The following ARHGAP11A variants were observed in gnomAD, a reference collection of about 807,000 sequenced individuals.
The protein encoded by ARHGAP11A is Rho GTPase activating protein 11A.
In ARHGAP11A, 36 loss-of-function variants were observed where a neutral mutation model predicts 60.5. The ratio of observed to expected loss-of-function variants is 0.59; its 90% CI spans 0.46 to 0.79. The LOEUF is 0.79. ARHGAP11A is among the 30% of genes least tolerant of loss of function. The pLI, the probability that ARHGAP11A is intolerant of heterozygous loss-of-function variation, is 0.00. For missense variants in ARHGAP11A, 1,071 were observed against 1,199.2 expected (o/e 0.89, Z 1.58); for synonymous variants, 362 against 415.5 (o/e 0.87, Z 1.57).
chr15:32,632,890 G>A, intron 8 of ARHGAP11A, 89 bp from the exon 9 acceptor site: 2 of 1,201,568 alleles, frequency 1.7e-6, no homozygotes, highest in Non-Finnish European at 2.3e-6. Context: ...TAGAAATTAA[G>A]GCTTTGAATC....
rs749141290 is a variant in ARHGAP11A at position 32,636,808 on chromosome 15, A to G, written c.2035A>G (p.Thr679Ala). 2 of 1,609,162 alleles carry G rather than the reference A, an allele frequency of 1.2e-6. No homozygotes were observed. Among genetic ancestry groups the G allele is most frequent in the African/African-American group, 2.7e-5 (2 of 74,660 alleles). ...AGAGAGGGACTTTTCACCCCTTCAAACTCAAACATTTAATAGAGAAACAAC... is the reference window on the plus strand; with the variant it reads ...AGAGAGGGACTTTTCACCCCTTCAAGCTCAAACATTTAATAGAGAAACAAC... ...FSERDFSPLQ[T>A]QTFNRETTIK... The change falls in exon 12 of 12, where the codon ACT (threonine) becomes GCT (alanine). Residue 679 changes from threonine (T) to alanine (A), a missense_variant. Around this residue, in one of 4 missense-constraint regions of ARHGAP11A, gnomAD observed 776 missense variants for 760.2 expected, o/e 1.02. Coordinates refer to ENST00000361627, the MANE Select transcript of ARHGAP11A (RefSeq NM_014783.6).
intron 6 of ARHGAP11A, 120 bp downstream of exon 6, chr15:32,625,753 G>A (rs2053443089): frequency 1.9e-6 from 2 of 1,034,456 alleles, no homozygotes; most frequent in East Asian, 4.8e-5. Context: ...CAGCTGGAAA[G>A]ATAGGACGTA....
At chr15:32,622,662 TAGGTATCTAA>T (rs1230348717) in intron 2 of ARHGAP11A, among the ~76,000 whole-genome samples, 64 of 151,810 alleles carry the variant, frequency 4.2e-4, no homozygotes, top group African/African-American at 1.5e-3. Flanking sequence ...GTTCAATATC[TAGGTATCTAA>T]AGCCAACATT....
intron 7 of ARHGAP11A, among the ~76,000 whole-genome samples, 194 bp from the exon 8 acceptor site, chr15:32,629,401 G>A (rs1454799690): frequency 1.4e-5 from 2 of 146,804 alleles, no homozygotes; most frequent in African/African-American, 2.6e-5. Flanking sequence ...TTGCCTCTGC[G>A]ACTTCCTTAT....
At chr15:32,631,365 G>A (rs2053579419) in intron 8 of ARHGAP11A, among the ~76,000 whole-genome samples, 2 of 150,924 alleles carry the variant, frequency 1.3e-5, no homozygotes, top group South Asian at 4.2e-4. Flanking sequence ...GCACAATCTC[G>A]GCTCACTGCA....
Position 32,623,479 on chromosome 15 carries a change from A to G in ARHGAP11A, c.201-13A>G, listed in dbSNP as rs2053385186. Reference sequence around the variant, plus strand: ...TATGTATGTCTAGCCACCTGAAAAAATCTCTCTTTCAGCTTTCTTGTCGAT... The same window carrying G: ...TATGTATGTCTAGCCACCTGAAAAAGTCTCTCTTTCAGCTTTCTTGTCGAT... On this transcript the variant is annotated splice_polypyrimidine_tract_variant and intron_variant, in intron 2 of 11. Coordinates refer to ENST00000361627, the MANE Select transcript of ARHGAP11A (RefSeq NM_014783.6). 2 of 1,609,086 alleles carry G rather than the reference A, an allele frequency of 1.2e-6. No homozygotes were observed. Among genetic ancestry groups the G allele is most frequent in the Non-Finnish European group, 1.7e-6 (2 of 1,178,004 alleles).
chr15:32,627,130 A>T lies in ARHGAP11A; in HGVS notation c.862+1497A>T, dbSNP rs74011134. Among the ~76,000 whole-genome samples the T allele has an allele frequency of 6.2e-3, 947 of 152,090 alleles. 10 individuals are homozygous for T. The highest frequency in any genetic ancestry group is 0.022 in the African/African-American group (902 of 41,464). ...GTAGTTTCAGTTATCACATCTAAAT[A>T]GATAACCACCACATCTGTACCACCG... is the stretch of plus-strand genomic sequence containing the variant. On this transcript the variant is annotated intron_variant, in intron 6 of 11. Transcript: ENST00000361627.
Position 32,633,124 on chromosome 15 carries a change from C to T in ARHGAP11A, c.1235+16C>T. 1 of 1,613,082 alleles carries T rather than the reference C, an allele frequency of 6.2e-7. No homozygotes were observed. The highest frequency in any genetic ancestry group is 8.5e-7 in the Non-Finnish European group (1 of 1,179,532). ...AAGTTTGCAGGTACTTTATCCAGGA[C>T]ATTTTGTTTTCATCGGATAAATATT... On this transcript the variant is annotated intron_variant, in intron 9 of 11. Transcript: ENST00000361627.
chr15:32,617,968 T>C (rs562465164), intron 1 of ARHGAP11A, among the ~76,000 whole-genome samples: 28 of 152,330 alleles, frequency 1.8e-4, no homozygotes, highest in African/African-American at 6.0e-4. Context: ...TGAAGCTCTT[T>C]ATGTAGGCCT....
intron 1 of ARHGAP11A, 151 bp downstream of exon 1, chr15:32,616,491 A>T (rs1595755283): frequency 3.0e-6 from 4 of 1,326,744 alleles, no homozygotes; most frequent in East Asian, 2.6e-5. Context: ...GCTGATATTT[A>T]AAAAGTGACA....
intron 3 of ARHGAP11A, 50 bp from the exon 4 acceptor site, chr15:32,624,123 A>G (rs546324859): frequency 6.2e-7 from 1 of 1,608,176 alleles, no homozygotes; most frequent in Non-Finnish European, 8.5e-7. Flanking sequence ...CTTTATTTGC[A>G]ATAAACTCTT....
At chr15:32,624,628 G>A (rs1210145082) in intron 4 of ARHGAP11A, among the ~76,000 whole-genome samples, 3 of 152,156 alleles carry the variant, frequency 2.0e-5, no homozygotes, top group Admixed American at 6.5e-5. Context: ...TCATCATCAT[G>A]AATGCCTTAA....
rs781558938 is a variant in ARHGAP11A, at chr15:32,629,602, A to G, written c.945A>G (p.Leu315=). The change falls in exon 8 of 12, where the codon CTA becomes CTG. Residue 315 remains leucine, a synonymous_variant. Coordinates refer to ENST00000361627, the MANE Select transcript of ARHGAP11A (RefSeq NM_014783.6). The part of the protein sequence containing the change: ...ITPQEERIAQ[L]SESPVILTPN... ...GTTTTGATATTTTTTCAGCCCAGCT[A>G]TCTGAATCACCAGTGATTCTTACAC... 1.2e-6 allele frequency: 2 copies of G among 1,604,362 alleles called. No homozygotes were observed. Among genetic ancestry groups the G allele is most frequent in the Non-Finnish European group, 1.7e-6 (2 of 1,175,902 alleles).
chr15:32,619,749 C>T (rs1053653670), intron 1 of ARHGAP11A, among the ~76,000 whole-genome samples: 2 of 50,540 alleles, frequency 4.0e-5, no homozygotes, highest in Non-Finnish European at 7.9e-5. Flanking sequence ...TTAAAGCAAC[C>T]TATAGTATTT....
chr15:32,634,087 A>G, intron 10 of ARHGAP11A, 46 bp downstream of exon 10: 1 of 1,300,138 alleles, frequency 7.7e-7, no homozygotes, highest in Non-Finnish European at 1.1e-6. Context: ...GCATAACGCT[A>G]TAAACTTGAT....
At chr15:32,635,969 T>G in intron 11 of ARHGAP11A, 54 bp downstream of exon 11, 3 of 1,525,120 alleles carry the variant, frequency 2.0e-6, no homozygotes, top group Middle Eastern at 1.8e-4. Flanking sequence ...CTTTAGTTGC[T>G]TTTTTAATGG....
In ARHGAP11A at chr15:32,620,909, T is replaced by A. The variant is rs1214205315; in HGVS notation, c.200+731T>A. ...AGCAAGACTCCATGTATAAAAAAAATTTTAAAGAAAAATCAGCTGGGCAAG... is the reference window on the plus strand; with the variant it reads ...AGCAAGACTCCATGTATAAAAAAAAATTTAAAGAAAAATCAGCTGGGCAAG... On this transcript the variant is annotated intron_variant, in intron 2 of 11. Transcript: ENST00000361627. 3.3e-5 allele frequency among the ~76,000 whole-genome samples: 5 copies of A among 151,870 alleles called. No individual in the cohort carries two copies. In the South Asian group the frequency reaches 6.2e-4, roughly 19 times the overall value.
In ARHGAP11A at chr15:32,623,589, G is replaced by A; in HGVS notation, c.297+1G>A. ...TGTGATTCGCCTAAAAGCACTAAAG[G>A]TGAGCATATTGTTGAACTATTAATT... is the stretch of plus-strand genomic sequence containing the variant. On this transcript the variant is annotated splice_donor_variant, in intron 3 of 11. Transcript: ENST00000361627. LOFTEE classifies it high-confidence loss of function. 1 of 1,610,544 alleles carries A rather than the reference G, an allele frequency of 6.2e-7. No homozygotes were observed. Among genetic ancestry groups the A allele is most frequent in the Non-Finnish European group, 8.5e-7 (1 of 1,178,986 alleles).
chr15:32,628,474 T>G (rs1217572518), intron 6 of ARHGAP11A, among the ~76,000 whole-genome samples: 1 of 152,230 alleles, frequency 6.6e-6, no homozygotes, highest in East Asian at 1.9e-4. Context: ...TACTGTACAT[T>G]ATATGTATTT....
Sources: gnomAD v4.1 joint callset for allele counts (sites outside exome capture counted in the v4.1 genomes callset) on GRCh38, gnomAD v4.1.1 for gene constraint, gnomAD v4.1.1 regional missense constraint, MANE v1.5 for transcripts, NCBI Gene and HGNC (gene_info 2026-07-23, HGNC 2026-07-21) for gene names.